FSIP1: variants seen among roughly 807,000 people sequenced by gnomAD.
The protein encoded by FSIP1 is fibrous sheath-interacting protein 1.
A neutral mutation model predicts 60.9 loss-of-function variants in FSIP1; 65 were observed. The ratio of observed to expected loss-of-function variants is 1.07; its 90% CI spans 0.87 to 1.31. FSIP1 has a LOEUF of 1.31. Ranked by LOEUF, FSIP1 falls within the 40% of genes most tolerant of loss-of-function variation. FSIP1 has a pLI of 0.00. For missense variants in FSIP1, 675 were observed against 665.5 expected (o/e 1.01, Z -0.16); for synonymous variants, 209 against 221.2 (o/e 0.94, Z 0.49).
chr15:39,698,360 G>A (rs1373613761), intron 10 of FSIP1, among the ~76,000 whole-genome samples: 1 of 151,992 alleles, frequency 6.6e-6, no homozygotes, highest in Non-Finnish European at 1.5e-5. Context: ...CTGTTGGATG[G>A]TGCTGGTCTG....
chr15:39,757,424 A>G (rs1897333685), intron 5 of FSIP1, among the ~76,000 whole-genome samples: 1 of 152,104 alleles, frequency 6.6e-6, no homozygotes, highest in African/African-American at 2.4e-5. Flanking sequence ...TTTCTTTCAT[A>G]CTTGCAGTGA....
intron 5 of FSIP1, among the ~76,000 whole-genome samples, chr15:39,746,930 C>A (rs1234365773): frequency 6.6e-6 from 1 of 152,152 alleles, no homozygotes; most frequent in African/African-American, 2.4e-5. Flanking sequence ...CTCATTGCCT[C>A]ACCTAACATG....
At chr15:39,722,620 GCTCT>G (rs755310923) in intron 9 of FSIP1, among the ~76,000 whole-genome samples, 4 of 147,046 alleles carry the variant, frequency 2.7e-5, no homozygotes, top group Non-Finnish European at 6.0e-5. Flanking sequence ...CCTTGGATAT[GCTCT>G]CTCTCTCTCT....
chr15:39,691,827 C>G (rs1894612898), intron 10 of FSIP1, among the ~76,000 whole-genome samples: 1 of 152,160 alleles, frequency 6.6e-6, no homozygotes, highest in Non-Finnish European at 1.5e-5. Context: ...AGTCATCAGT[C>G]TATCTTCTTT....
At chr15:39,715,586 G>C (rs1014959195) in intron 9 of FSIP1, among the ~76,000 whole-genome samples, 2 of 152,294 alleles carry the variant, frequency 1.3e-5, no homozygotes, top group African/African-American at 4.8e-5. Flanking sequence ...TCAATTTCAA[G>C]AAGTGATTAT....
intron 5 of FSIP1, among the ~76,000 whole-genome samples, chr15:39,752,383 G>A (rs778347780): frequency 3.3e-5 from 5 of 151,966 alleles, no homozygotes; most frequent in Non-Finnish European, 5.9e-5. Context: ...AGAGTAGAGT[G>A]TGGCAAAGGA....
intron 11 of FSIP1, among the ~76,000 whole-genome samples, chr15:39,614,240 T>C (rs907237076): frequency 1.3e-5 from 2 of 151,828 alleles, no homozygotes; most frequent in Non-Finnish European, 2.9e-5. Flanking sequence ...TTACAGGATA[T>C]AAAATCAACA....
chr15:39,674,952 T>C (rs1175953371), intron 10 of FSIP1, among the ~76,000 whole-genome samples: 1 of 151,454 alleles, frequency 6.6e-6, no homozygotes, highest in Admixed American at 6.6e-5. Flanking sequence ...CACCAAAAGA[T>C]TAGAATCAAG....
chr15:39,742,171 G>C (rs1297669300), intron 5 of FSIP1, among the ~76,000 whole-genome samples: 2 of 152,214 alleles, frequency 1.3e-5, no homozygotes, highest in Non-Finnish European at 2.9e-5. Flanking sequence ...ATGTGTAAGA[G>C]TGTGCTAAAA....
intron 10 of FSIP1, among the ~76,000 whole-genome samples, chr15:39,660,861 G>A (rs963432973): frequency 4.6e-5 from 7 of 152,048 alleles, no homozygotes; most frequent in Non-Finnish European, 8.8e-5. Flanking sequence ...TCAGGAGTTC[G>A]AGATCAGCCT....
intron 10 of FSIP1, among the ~76,000 whole-genome samples, chr15:39,641,386 A>G (rs1892362833): frequency 6.6e-6 from 1 of 152,136 alleles, no homozygotes; most frequent in Non-Finnish European, 1.5e-5. Context: ...GTGACCGTCA[A>G]TTTCACCAAT....
chr15:39,659,801 C>A (rs1893226857), intron 10 of FSIP1, among the ~76,000 whole-genome samples: 1 of 151,914 alleles, frequency 6.6e-6, no homozygotes, highest in African/African-American at 2.4e-5. Flanking sequence ...CATGTTCATT[C>A]TGGAATTTTT....
intron 10 of FSIP1, among the ~76,000 whole-genome samples, chr15:39,673,041 C>T (rs1893782368): frequency 6.6e-6 from 1 of 152,180 alleles, no homozygotes; most frequent in African/African-American, 2.4e-5. Flanking sequence ...ACAACTGAGA[C>T]CACAGGATAA....
chr15:39,770,575 C>G lies in FSIP1; in HGVS notation c.162G>C (p.Glu54Asp), dbSNP rs1373759023. Residue 54 changes from glutamate to aspartate, a missense_variant, in exon 3 of 12, where the codon GAG becomes GAC. Transcript: ENST00000350221. ...CTGTATTACTGCTTTCGGAGTGGTC[C>G]TCTTTACCAGAGTTCAAGTTGCTTG... is the stretch of plus-strand genomic sequence containing the variant. ...DTASNLNSGK[E>D]DHSESSNTEN... The G allele has an allele frequency of 2.5e-6, 4 of 1,574,630 alleles. No individual in the cohort carries two copies. The highest frequency in any genetic ancestry group is 3.4e-6 in the Non-Finnish European group (4 of 1,164,634).
At chr15:39,778,879 G>A (rs906493884) in intron 1 of FSIP1, among the ~76,000 whole-genome samples, 1 of 151,882 alleles carries the variant, frequency 6.6e-6, no homozygotes, top group Non-Finnish European at 1.5e-5. Context: ...CTAACAGACT[G>A]GAAGGAACAT....
intron 8 of FSIP1, among the ~76,000 whole-genome samples, chr15:39,735,037 G>A (rs763222953): frequency 7.9e-5 from 12 of 152,096 alleles, no homozygotes; most frequent in Admixed American, 5.2e-4. Context: ...AAAATCTATC[G>A]CCATAGTTTG....
intron 10 of FSIP1, among the ~76,000 whole-genome samples, chr15:39,626,487 G>A (rs146462877): frequency 6.5e-4 from 99 of 152,294 alleles, no homozygotes; most frequent in Middle Eastern, 3.4e-3. Flanking sequence ...GTAGGTCAGC[G>A]ATATGGTTTG....
intron 9 of FSIP1, among the ~76,000 whole-genome samples, chr15:39,726,214 T>C (rs1364728616): frequency 1.3e-5 from 2 of 152,102 alleles, no homozygotes; most frequent in African/African-American, 4.8e-5. Flanking sequence ...GATAAAAGAA[T>C]GTGGTGGAGT....
rs376259459 is a variant in FSIP1, at chr15:39,622,624, T to C, written c.1189-4379A>G. 5.9e-5 allele frequency among the ~76,000 whole-genome samples: 9 copies of C among 152,354 alleles called. No homozygotes were observed. The East Asian group carries it at 1.7e-3, about 29-fold the overall frequency. ...GATTCCTTTAATTTTGCAATAAACC[T>C]ATTAGGTAGAAACTATTGTTATTTC... On this transcript the variant is annotated intron_variant, in intron 10 of 11. Coordinates refer to ENST00000350221, the MANE Select transcript of FSIP1 (RefSeq NM_152597.5).
Sources: allele counts gnomAD v4.1 joint callset (sites outside exome capture counted in the v4.1 genomes callset), GRCh38; gene constraint gnomAD v4.1.1; transcripts MANE v1.5; gene names NCBI Gene and HGNC (gene_info 2026-07-23, HGNC 2026-07-21).